Variants in HACL1 observed in about 807,000 individuals in gnomAD.
HACL1 encodes the protein 1600020H07Rik.
A neutral mutation model predicts 74.2 loss-of-function variants in HACL1; 64 were observed. The ratio of observed to expected loss-of-function variants is 0.86; its 90% CI spans 0.70 to 1.06. The LOEUF (loss-of-function observed/expected upper bound fraction) is 1.06. Among genes scored for constraint, HACL1 ranks in the 50% least tolerant of loss-of-function variants. HACL1 has a pLI of 0.00. For missense variants in HACL1, 728 were observed against 719.7 expected, an observed-to-expected ratio of 1.01 and a Z score of -0.13; for synonymous variants, 230 against 238.8, an observed-to-expected ratio of 0.96 and a Z score of 0.34.
At chr3:15,583,109 A>C in intron 7 of HACL1, 120 bp from the exon 8 acceptor site, 1 of 561,482 alleles carries the variant, frequency 1.8e-6, no homozygotes, top group Non-Finnish European at 3.2e-6. Flanking sequence ...ACCCCCATGT[A>C]GATCTAACAA....
rs142829439 is a variant in HACL1, at chr3:15,575,765, T to C, written c.804-683A>G. ...CATCTTGCCCAGGCTAGTCTCGAAC[T>C]CCTGGTTTCAAGTGATTCGCCCACC... On this transcript the variant is annotated intron_variant, in intron 9 of 16. Transcript: ENST00000321169. Among the ~76,000 whole-genome samples the C allele has an allele frequency of 3.1e-3, 478 of 152,230 alleles. 2 individuals are homozygous for C. The highest frequency in any genetic ancestry group is 0.011 in the African/African-American group (444 of 41,544).
intron 12 of HACL1, among the ~76,000 whole-genome samples, chr3:15,569,095 C>T (rs1463004504): frequency 1.3e-5 from 2 of 152,192 alleles, no homozygotes; most frequent in East Asian, 3.8e-4. Context: ...CTTACCCCCA[C>T]TATTCTAAAG....
chr3:15,578,722 A>C (rs2063668454), intron 9 of HACL1, among the ~76,000 whole-genome samples: 1 of 152,188 alleles, frequency 6.6e-6, no homozygotes, highest in African/African-American at 2.4e-5. Context: ...TGAAATTCCA[A>C]GAGAAACGTC....
intron 2 of HACL1, among the ~76,000 whole-genome samples, chr3:15,597,632 G>GAA (rs757519778): frequency 0.026 from 3,081 of 117,886 alleles, 77 homozygotes; most frequent in Non-Finnish European, 0.039. Flanking sequence ...CATAAATGTG[G>GAA]AAAAAAAAAA....
intron 12 of HACL1, among the ~76,000 whole-genome samples, chr3:15,571,147 CT>C (rs78847086): frequency 3.7e-4 from 54 of 144,898 alleles, no homozygotes; most frequent in East Asian, 4.0e-4. Flanking sequence ...TCTGGCTTTT[CT>C]TTTTTTTTTT....
In HACL1 at chr3:15,596,414, G is replaced by C. The variant is rs1201865791; in HGVS notation, c.197C>G (p.Ala66Gly). 1 of 1,597,364 alleles carries C rather than the reference G, an allele frequency of 6.3e-7. No individual in the cohort carries two copies. Among genetic ancestry groups the C allele is most frequent in the South Asian group, 1.1e-5 (1 of 90,698 alleles). Residue 66 changes from alanine (A) to glycine (G), a missense_variant, in exon 3 of 17, where the codon GCT (alanine) becomes GGT (glycine). Transcript: ENST00000321169. ...GMRNEQAACY[A>G]ASAIGYLTSR... ...TGTCAGATATCCAATCGCGGAGGCA[G>C]CATAACAAGCCTACGAGAAAACAAC...
At chr3:15,593,146 CACACAT>C (rs1451283412) in intron 3 of HACL1, among the ~76,000 whole-genome samples, 4 of 131,984 alleles carry the variant, frequency 3.0e-5, no homozygotes, top group Admixed American at 7.4e-5. Context: ...TGTATATATA[CACACAT>C]ACACACATAC....
At chr3:15,589,698 A>G (rs2063856450) in intron 4 of HACL1, 86 bp from the exon 5 acceptor site, 1 of 840,552 alleles carries the variant, frequency 1.2e-6, no homozygotes, top group East Asian at 2.5e-5. Flanking sequence ...CACAACAAAT[A>G]ATAAATGTTA....
At chr3:15,601,352 G>C in intron 1 of HACL1, 31 bp downstream of exon 1, 2 of 1,613,388 alleles carry the variant, frequency 1.2e-6, no homozygotes, top group Non-Finnish European at 1.7e-6. Flanking sequence ...GCTTCCGTAG[G>C]AGCCTTTCAT....
Position 15,568,499 on chromosome 3 carries a change from C to T in HACL1, c.1183G>A (p.Val395Ile), listed in dbSNP as rs2063472475. 1.2e-6 allele frequency: 2 copies of T among 1,600,968 alleles called. No homozygotes were observed. The highest frequency in any genetic ancestry group is 1.7e-6 in the Non-Finnish European group (2 of 1,168,260). The change falls in exon 13 of 17, where the codon GTA becomes ATA. Residue 395 changes from valine (V) to isoleucine (I), a missense_variant. Physicochemically the swap from Val to Ile is conservative, Grantham distance 29. Transcript: ENST00000321169. ...TCCATAGTATTTGCTCCTTCACTTA[C>T]CACGAAACAGTCTCTAGGTAGTTGT... ...QEQLPRDCFV[V>I]SEGANTMDIG...
At chr3:15,585,385 G>T in intron 6 of HACL1, 43 bp from the exon 7 acceptor site, 1 of 1,061,374 alleles carries the variant, frequency 9.4e-7, no homozygotes, top group Non-Finnish European at 1.5e-6. Context: ...TAAAATCTCA[G>T]TCTTATCATA....
At position 15,575,032 on chromosome 3, in the gene HACL1, C is replaced by G. The variant is rs1249684542; in HGVS notation, c.854G>C (p.Trp285Ser). The change falls in exon 10 of 17, where the codon TGG becomes TCG. Residue 285 changes from tryptophan (W) to serine (S), a missense_variant. Trp to Ser is a radical substitution (Grantham distance 177). Coordinates refer to ENST00000321169, the MANE Select transcript of HACL1 (RefSeq NM_012260.4). ...TGGAGGCAGTCCAAAATGTAAAATCCAATTTAGTCTGGCACCAAATAACAC... is the reference window on the plus strand; with the variant it reads ...TGGAGGCAGTCCAAAATGTAAAATCGAATTTAGTCTGGCACCAAATAACAC... ...VIVLFGARLNWILHFGLPPRY... is the reference protein window; with the variant it reads ...VIVLFGARLNSILHFGLPPRY... 7 of 1,601,096 alleles carry G rather than the reference C, an allele frequency of 4.4e-6. No individual in the cohort carries two copies. The highest frequency in any genetic ancestry group is 1.7e-5 in the Admixed American group (1 of 59,974).
intron 5 of HACL1, 75 bp from the exon 6 acceptor site, chr3:15,586,677 A>C: frequency 1.2e-6 from 1 of 845,170 alleles, no homozygotes; most frequent in South Asian, 1.4e-5. Context: ...CAAAATGTTA[A>C]GTCATTAATT....
Position 15,589,591 on chromosome 3 carries a change from A to G in HACL1, c.330T>C (p.Gly110=). Residue 110 remains glycine, a synonymous_variant, in exon 5 of 17, where the codon GGT becomes GGC. Coordinates refer to ENST00000321169, the MANE Select transcript of HACL1 (RefSeq NM_012260.4). ...MNCWPLLVIG[G]SSERNQETMG... ...TTGTTTCTTGGTTTCTTTCAGAGGA[A>G]CCACCAATCACAAGCAAGGGCCTGA... 3.7e-6 allele frequency: 6 copies of G among 1,608,244 alleles called. No homozygotes were observed. Among genetic ancestry groups the G allele is most frequent in the Non-Finnish European group, 5.1e-6 (6 of 1,174,774 alleles).
intron 12 of HACL1, among the ~76,000 whole-genome samples, chr3:15,569,713 G>A (rs1225174307): frequency 6.6e-6 from 1 of 151,866 alleles, no homozygotes; most frequent in Non-Finnish European, 1.5e-5. Context: ...CCAGCTACTC[G>A]GGATGCTGAG....
intron 9 of HACL1, 95 bp downstream of exon 9, chr3:15,579,815 T>G (rs2063690770): frequency 2.3e-6 from 2 of 874,686 alleles, no homozygotes; most frequent in Admixed American, 5.2e-5. Context: ...TCCATGATTC[T>G]TTCAGAACTC....
chr3:15,576,050 G>A (rs2063619938), intron 9 of HACL1, among the ~76,000 whole-genome samples: 1 of 84,112 alleles, frequency 1.2e-5, no homozygotes, highest in Non-Finnish European at 2.4e-5. Flanking sequence ...CAGCTACTCA[G>A]GAGGCTGAGG....
At chr3:15,585,000 A>G (rs1330447432) in intron 7 of HACL1, among the ~76,000 whole-genome samples, 2 of 152,188 alleles carry the variant, frequency 1.3e-5, no homozygotes, top group African/African-American at 2.4e-5. Flanking sequence ...TACTGGAGGA[A>G]TATTTTCAAC....
chr3:15,591,086 G>T lies in HACL1; in HGVS notation c.308+514C>A, dbSNP rs73148182. Among the ~76,000 whole-genome samples the T allele has an allele frequency of 8.4e-3, 1,279 of 152,152 alleles. 12 individuals carry two copies. Among genetic ancestry groups the T allele is most frequent in the African/African-American group, 0.028 (1,183 of 41,532 alleles). ...ACAGAGAGACTCCGTCTCAAAAAAA[G>T]AAAGTGTTTATCTCTAAGTAACTAA... On this transcript the variant is annotated intron_variant, in intron 4 of 16. Transcript: ENST00000321169.
Sources: allele counts gnomAD v4.1 joint callset (sites outside exome capture counted in the v4.1 genomes callset), GRCh38; gene constraint gnomAD v4.1.1; transcripts MANE v1.5; gene names NCBI Gene and HGNC (gene_info 2026-07-23, HGNC 2026-07-21).